The following KLHL22 variants were observed in gnomAD, a reference collection of about 807,000 sequenced individuals.
KLHL22 encodes kelch-like protein 22.
KLHL22 carries 18 observed loss-of-function variants against 60.7 expected under a neutral mutation model. That is an observed-to-expected ratio of 0.30 (90% CI 0.20 to 0.44). The LOEUF is 0.44. Among genes scored for constraint, KLHL22 ranks in the 20% least tolerant of loss-of-function variants. The probability of loss-of-function intolerance (pLI) is 1.00; values close to 1 mark genes in which losing one functional copy is unlikely to be tolerated. For synonymous variants in KLHL22, 355 were observed against 354.5 expected (o/e 1.00, Z -0.01); for missense variants, 596 against 852.3 (o/e 0.70, Z 3.74).
intron 2 of KLHL22, among the ~76,000 whole-genome samples, chr22:20,477,880 T>C (rs1446573934): frequency 6.6e-6 from 1 of 152,180 alleles, no homozygotes; most frequent in East Asian, 1.9e-4. Flanking sequence ...CCATGGAACA[T>C]GGCTCAATCA....
rs776272992 is a variant in KLHL22 at position 20,465,400 on chromosome 22, C to T, written c.570G>A (p.Gln190=). ...GGGAGTAGACCTTCTCCAATGGAAG[C>T]TGGCGGTACTTGTCAGTCCGAGAGA... ...VAFSRTDKYR[Q]LPLEKVYSLL... is the part of the protein sequence containing the mutation. Residue 190 remains glutamine, a synonymous_variant, in exon 4 of 7, where the codon CAG becomes CAA. Coordinates refer to ENST00000328879, the MANE Select transcript of KLHL22 (RefSeq NM_032775.4). The surrounding 1 kb of genome is among the most constrained non-coding windows in gnomAD (Gnocchi z 4.9). 1 of 1,614,062 alleles carries T rather than the reference C, an allele frequency of 6.2e-7. No homozygotes were observed. The highest frequency in any genetic ancestry group is 8.5e-7 in the Non-Finnish European group (1 of 1,180,038).
At chr22:20,490,706 T>C (rs2053672899) in intron 1 of KLHL22, among the ~76,000 whole-genome samples, 1 of 152,206 alleles carries the variant, frequency 6.6e-6, no homozygotes, top group Non-Finnish European at 1.5e-5. Context: ...TAGATTCTCT[T>C]TCGGAGCACA....
At chr22:20,447,617 A>G (rs1471249546) in intron 5 of KLHL22, among the ~76,000 whole-genome samples, 3 of 145,360 alleles carry the variant, frequency 2.1e-5, no homozygotes, top group African/African-American at 7.6e-5. Context: ...ATCTCGGCTC[A>G]CTGCAATCTC....
Position 20,495,558 on chromosome 22 carries a change from G to A in KLHL22, c.-34+202C>T, listed in dbSNP as rs1164609959. Among the ~76,000 whole-genome samples the A allele has an allele frequency of 6.6e-6, 1 of 150,638 alleles. No homozygotes were observed. The highest frequency in any genetic ancestry group is 1.5e-5 in the Non-Finnish European group (1 of 67,422). ...CCCGGCCCCTACGCGCCCGCGCCCG[G>A]GGATCCCGCCGGCCGCGTCCCCGCC... On this transcript the variant is annotated intron_variant, in intron 1 of 6. Coordinates refer to ENST00000328879, the MANE Select transcript of KLHL22 (RefSeq NM_032775.4). This position sits in a 1 kb window ranked among gnomAD's most constrained non-coding sequence, Gnocchi z 4.6.
intron 6 of KLHL22, among the ~76,000 whole-genome samples, chr22:20,444,937 A>G (rs568336700): frequency 8.6e-4 from 131 of 152,056 alleles, no homozygotes; most frequent in Non-Finnish European, 1.4e-3. Context: ...GCAAGCCACC[A>G]TGCCTGGCTA....
At chr22:20,457,315 T>C (rs1424929076) in intron 5 of KLHL22, among the ~76,000 whole-genome samples, 1 of 152,100 alleles carries the variant, frequency 6.6e-6, no homozygotes. Flanking sequence ...TAGGATTTAA[T>C]ATAAAAAATA....
intron 2 of KLHL22, chr22:20,481,025 G>C (rs1202112788): frequency 6.6e-6 from 1 of 151,478 alleles, no homozygotes; most frequent in Non-Finnish European, 1.5e-5. Context: ...TAGAGACGGG[G>C]TTTCACCATG....
At chr22:20,486,748 C>T (rs2053592885) in intron 2 of KLHL22, among the ~76,000 whole-genome samples, 1 of 150,634 alleles carries the variant, frequency 6.6e-6, no homozygotes, top group Non-Finnish European at 1.5e-5. Context: ...GTGGCGCAAT[C>T]TCGGCTCACT....
At position 20,446,473 on chromosome 22, in the gene KLHL22, G is replaced by A. The variant is rs771170052; in HGVS notation, c.1509C>T (p.Asn503=). ...GCACGTCCCTCCTGTATCCGGCATC[G>A]TTGTTGCTGCCCCCGATCACATACA... ...NKLYVIGGSN[N]DAGYRRDVHQ... Residue 503 remains asparagine, a synonymous_variant, in exon 6 of 7, where the codon AAC becomes AAT. Coordinates refer to ENST00000328879, the MANE Select transcript of KLHL22 (RefSeq NM_032775.4). 5.2e-5 allele frequency: 84 copies of A among 1,611,400 alleles called. No homozygotes were observed. Among genetic ancestry groups the A allele is most frequent in the Non-Finnish European group, 5.5e-5 (65 of 1,179,534 alleles).
chr22:20,448,290 T>C (rs976801511), intron 5 of KLHL22, among the ~76,000 whole-genome samples: 16 of 152,198 alleles, frequency 1.1e-4, no homozygotes, highest in African/African-American at 3.6e-4. Flanking sequence ...GGAAATGCAT[T>C]TCAGACTTTT....
In KLHL22 at chr22:20,465,376, G is replaced by A; in HGVS notation, c.594C>T (p.Ser198=). 6.2e-7 allele frequency: 1 copy of A among 1,614,158 alleles called. No homozygotes were observed. ...CCTCCAGGCGATTGCTGCTGAGGAG[G>A]GAGTAGACCTTCTCCAATGGAAGCT... ...YRQLPLEKVY[S]LLSSNRLEVS... Residue 198 remains serine (S), a synonymous_variant, in exon 4 of 7, where the codon TCC becomes TCT. Transcript: ENST00000328879. The surrounding 1 kb of genome is among the most constrained non-coding windows in gnomAD (Gnocchi z 4.9).
At chr22:20,484,805 T>C (rs914374406) in intron 2 of KLHL22, among the ~76,000 whole-genome samples, 4 of 151,432 alleles carry the variant, frequency 2.6e-5, no homozygotes, top group Admixed American at 2.0e-4. Flanking sequence ...GGCATGATCA[T>C]GGCTCACTGC....
chr22:20,442,607 G>A (rs917278080), intron 6 of KLHL22, among the ~76,000 whole-genome samples, 169 bp from the exon 7 acceptor site: 22 of 152,242 alleles, frequency 1.4e-4, no homozygotes, highest in African/African-American at 5.3e-4. Flanking sequence ...CATGGGCCAG[G>A]CTGCTGCTTT....
chr22:20,471,027 AC>A (rs1190151950), intron 3 of KLHL22, among the ~76,000 whole-genome samples: 2 of 152,216 alleles, frequency 1.3e-5, no homozygotes, highest in African/African-American at 4.8e-5. Context: ...CCCAGAGCAC[AC>A]AGGACGTCCA....
At chr22:20,442,963 CTCTTG>C (rs1254367176) in intron 6 of KLHL22, among the ~76,000 whole-genome samples, 1 of 152,216 alleles carries the variant, frequency 6.6e-6, no homozygotes, top group Non-Finnish European at 1.5e-5. Flanking sequence ...CATCAATATT[CTCTTG>C]TCTTCAAAAT....
At position 20,482,579 on chromosome 22, in the gene KLHL22, C is replaced by CT. The variant is rs965182249; in HGVS notation, c.227+6405dup. On this transcript the variant is annotated intron_variant, in intron 2 of 6. Coordinates refer to ENST00000328879, the MANE Select transcript of KLHL22 (RefSeq NM_032775.4). ...TGTTTTGTTTTGTTTGTTTGTTTTT[C>CT]TTTTTTTTTTTGAGACGGAGTCTCA... Among the ~76,000 whole-genome samples the CT allele has an allele frequency of 2.0e-3, 289 of 145,800 alleles. 1 individual carries two copies. Among genetic ancestry groups the CT allele is most frequent in the African/African-American group, 4.6e-3 (182 of 39,856 alleles).
chr22:20,469,713 C>T (rs902409078), intron 3 of KLHL22, among the ~76,000 whole-genome samples: 9 of 152,114 alleles, frequency 5.9e-5, no homozygotes, highest in African/African-American at 2.2e-4. Context: ...GCTGCCAGGG[C>T]CCTGTCACAT....
At chr22:20,483,560 G>A (rs1257418373) in intron 2 of KLHL22, 4 of 725,062 alleles carry the variant, frequency 5.5e-6, no homozygotes, top group Non-Finnish European at 1.0e-5. Context: ...CGAAGCCCAT[G>A]TATGTCGCTC....
At chr22:20,476,427 TTTTTTG>T (rs1334299483) in intron 2 of KLHL22, among the ~76,000 whole-genome samples, 1 of 147,768 alleles carries the variant, frequency 6.8e-6, no homozygotes, top group Non-Finnish European at 1.5e-5. Context: ...TTTTTTTTTT[TTTTTTG>T]AGACGAAGTC....
Sources: gnomAD v4.1 joint callset for allele counts (sites outside exome capture counted in the v4.1 genomes callset) on GRCh38, gnomAD v4.1.1 for gene constraint, Gnocchi (gnomAD v3.1) non-coding constraint, MANE v1.5 for transcripts, NCBI Gene and HGNC (gene_info 2026-07-23, HGNC 2026-07-21) for gene names.